Variants in NDUFA11 observed in about 807,000 individuals in gnomAD.
The protein encoded by NDUFA11 is NADH dehydrogenase [ubiquinone] 1 alpha subcomplex subunit 11.
A neutral mutation model predicts 11.3 loss-of-function variants in NDUFA11; 14 were observed. The ratio of observed to expected loss-of-function variants is 1.24; its 90% CI spans 0.82 to 1.94. The LOEUF (loss-of-function observed/expected upper bound fraction) is 1.94. Among genes scored for constraint, NDUFA11 ranks in the 30% most tolerant of loss-of-function variants. The probability of loss-of-function intolerance (pLI) is 0.00; values close to 1 mark genes in which losing one functional copy is unlikely to be tolerated. For missense variants in NDUFA11, 204 were observed against 200.3 expected (o/e 1.02, Z -0.11); for synonymous variants, 87 against 85.6 (o/e 1.02, Z -0.09).
chr19:5,897,289 T>C (rs1365961149), intron 1 of NDUFA11, among the ~76,000 whole-genome samples: 2 of 152,178 alleles, frequency 1.3e-5, no homozygotes, highest in Non-Finnish European at 2.9e-5. Context: ...CCATCAGCCA[T>C]GCTGGCCCTG....
At chr19:5,900,887 G>A (rs368159122) in intron 1 of NDUFA11, among the ~76,000 whole-genome samples, 8 of 150,080 alleles carry the variant, frequency 5.3e-5, no homozygotes, top group South Asian at 2.1e-4. Context: ...CTCCAGCCTG[G>A]GTGACAGAAT....
rs2057612616 is a variant in NDUFA11 at position 5,896,791 on chromosome 19, A to T, written c.190+114T>A. The T allele has an allele frequency of 2.4e-5, 29 of 1,195,910 alleles. No homozygotes were observed. Among genetic ancestry groups the T allele is most frequent in the Admixed American group, 3.4e-5 (2 of 59,444 alleles). The allele number at this position is 1,195,910 out of a possible 1,614,324, so 74.1% of individuals were successfully genotyped here. ...AACACCCCACTTTCTCCGGATGGCC[A>T]GCACTGTGGACACGGGCTGGGGAGT... On this transcript the variant is annotated intron_variant, in intron 2 of 3. Coordinates refer to ENST00000308961, the MANE Select transcript of NDUFA11 (RefSeq NM_175614.5). This position sits in a 1 kb window ranked among gnomAD's most constrained non-coding sequence, Gnocchi z 5.8.
intron 1 of NDUFA11, 102 bp from the exon 2 acceptor site, chr19:5,897,099 G>A (rs1599693473): frequency 4.4e-6 from 4 of 912,656 alleles, no homozygotes; most frequent in Non-Finnish European, 5.5e-6. Flanking sequence ...TCCTCACGAT[G>A]CCCCCCTTCT....
chr19:5,893,419 C>G, downstream of NDUFA11: 2 of 572,194 alleles, frequency 3.5e-6, no homozygotes, highest in South Asian at 2.1e-5. This position sits in a 1 kb window ranked among gnomAD's most constrained non-coding sequence, Gnocchi z 4.1. Flanking sequence ...GAGCCATGAT[C>G]CTGCCACTGC....
chr19:5,895,497 G>C (rs2057602246), intron 3 of NDUFA11: 1 of 152,862 alleles, frequency 6.5e-6, no homozygotes, highest in Non-Finnish European at 1.5e-5. Context: ...GAGGGACAAG[G>C]CCTCCCCAAG....
chr19:5,893,248 A>G (rs936679428), downstream of NDUFA11: 22 of 1,494,992 alleles, frequency 1.5e-5, no homozygotes, highest in Admixed American at 2.0e-5. This position sits in a 1 kb window ranked among gnomAD's most constrained non-coding sequence, Gnocchi z 4.1. Flanking sequence ...GCTCGAGGCC[A>G]GGAGTTTGAG....
chr19:5,891,942 G>A (rs2057580502), downstream of NDUFA11: 1 of 152,320 alleles, frequency 6.6e-6, no homozygotes, highest in South Asian at 2.1e-4. Flanking sequence ...GGAGCCTGCT[G>A]GGACCGATGT....
chr19:5,894,152 C>T (rs1163331645), downstream of NDUFA11, among the ~76,000 whole-genome samples: 4 of 152,246 alleles, frequency 2.6e-5, no homozygotes, highest in Non-Finnish European at 5.9e-5. Context: ...GGTCCTGTCC[C>T]GCTCTGCCCT....
chr19:5,901,152 C>T, intron 1 of NDUFA11: 1 of 443,924 alleles, frequency 2.3e-6, no homozygotes. Flanking sequence ...AGCACCACAC[C>T]CCGAGACAAG....
intron 1 of NDUFA11, among the ~76,000 whole-genome samples, chr19:5,902,071 A>G (rs1301419591): frequency 6.9e-6 from 1 of 145,976 alleles, no homozygotes; most frequent in Non-Finnish European, 1.5e-5. Flanking sequence ...TGCCTCCTGG[A>G]TTCACGCCAT....
chr19:5,902,594 G>T (rs1296658798), intron 1 of NDUFA11: 1 of 152,348 alleles, frequency 6.6e-6, no homozygotes. Context: ...TCAGAGGGAA[G>T]AGGACTTCCA....
At chr19:5,893,380 G>A (rs1327526957), downstream of NDUFA11, 10 of 619,594 alleles carry the variant, frequency 1.6e-5, no homozygotes, top group Admixed American at 2.7e-5. This position sits in a 1 kb window ranked among gnomAD's most constrained non-coding sequence, Gnocchi z 4.1. Context: ...TGAGAGAGTC[G>A]CATAAGCCAG....
At chr19:5,894,209 A>G (rs970998344), downstream of NDUFA11, among the ~76,000 whole-genome samples, 1 of 152,204 alleles carries the variant, frequency 6.6e-6, no homozygotes, top group Non-Finnish European at 1.5e-5. Context: ...CGGCTGCTGG[A>G]CCAGCCTGTC....
At chr19:5,894,599 T>G, downstream of NDUFA11, 36 of 1,513,096 alleles carry the variant, frequency 2.4e-5, no homozygotes, top group Non-Finnish European at 3.2e-5. Flanking sequence ...TTATCTTATC[T>G]CCCTTCCTCA....
chr19:5,903,731 C>A lies in NDUFA11; in HGVS notation c.-23G>T. On this transcript the variant is annotated 5_prime_UTR_variant, in exon 1 of 4. Coordinates refer to ENST00000308961, the MANE Select transcript of NDUFA11 (RefSeq NM_175614.5). ...CATAGCCCGCAATCTCGATCCCGCA[C>A]CACGGACCCCGCCAGCTCGGGAAGC... 1.9e-6 allele frequency: 3 copies of A among 1,550,330 alleles called. No individual in the cohort carries two copies. Among genetic ancestry groups the A allele is most frequent in the Middle Eastern group, 1.7e-4 (1 of 5,990 alleles).
downstream of NDUFA11, among the ~76,000 whole-genome samples, chr19:5,894,103 TCTTTCC>T (rs1424622074): frequency 6.6e-6 from 1 of 152,182 alleles, no homozygotes; most frequent in Non-Finnish European, 1.5e-5. Flanking sequence ...GGATCGCAAT[TCTTTCC>T]CTTGTCGCTG....
At chr19:5,901,987 GT>G (rs758366775) in intron 1 of NDUFA11, among the ~76,000 whole-genome samples, 2 of 132,102 alleles carry the variant, frequency 1.5e-5, no homozygotes, top group Admixed American at 7.7e-5. Flanking sequence ...GTTTTGTTTT[GT>G]TTTTTGAGAC....
Position 5,896,343 on chromosome 19 carries a change from C to G in NDUFA11, c.313+110G>C. ...CTGAAATGGCTGGTGTTCAAGAAGG[C>G]TGCTTTACTTCTTGTCCGGGATGGA... is the stretch of plus-strand genomic sequence containing the variant. On this transcript the variant is annotated intron_variant, in intron 3 of 3. Transcript: ENST00000308961. This position sits in a 1 kb window ranked among gnomAD's most constrained non-coding sequence, Gnocchi z 5.8. The G allele has an allele frequency of 8.0e-7, 1 of 1,255,618 alleles. No individual in the cohort carries two copies. The highest frequency in any genetic ancestry group is 1.1e-6 in the Non-Finnish European group (1 of 919,344). 77.8% of individuals were successfully genotyped at this position (1,255,618 alleles called of 1,614,324 possible). A position where few individuals can be genotyped will look rare whatever the true frequency, so the allele number is the denominator to read the frequency against.
Position 5,894,752 on chromosome 19 carries a change from GGTTTT to G in NDUFA11, c.411_415del (p.Lys138GlnfsTer?). Reference sequence around the variant, plus strand: ...CGGCAGGCACAGGGCTCACACCTTGGGTTTTGCAAACACCTCCCAGCCCTCCAGCC... The same window carrying G: ...CGGCAGGCACAGGGCTCACACCTTGGGCAAACACCTCCCAGCCCTCCAGCC... On this transcript the variant is annotated frameshift_variant, in exon 4 of 4. Transcript: ENST00000308961. LOFTEE classifies it high-confidence loss of function. 1 of 1,613,266 alleles carries G rather than the reference GGTTTT, an allele frequency of 6.2e-7. No individual in the cohort carries two copies. The highest frequency in any genetic ancestry group is 8.5e-7 in the Non-Finnish European group (1 of 1,179,744).
Sources: gnomAD v4.1 joint callset for allele counts (sites outside exome capture counted in the v4.1 genomes callset) on GRCh38, gnomAD v4.1.1 for gene constraint, Gnocchi (gnomAD v3.1) non-coding constraint, MANE v1.5 for transcripts, NCBI Gene and HGNC (gene_info 2026-07-23, HGNC 2026-07-21) for gene names.